The following TENM1 variants were observed in gnomAD, a reference collection of about 807,000 sequenced individuals.
TENM1 encodes the protein teneurin transmembrane protein 1.
Under a neutral mutation model 174.8 loss-of-function variants are expected in TENM1, and 35 were observed. That is an observed-to-expected ratio of 0.20 (90% CI 0.15 to 0.27). The LOEUF (loss-of-function observed/expected upper bound fraction) is 0.27. Among genes scored for constraint, TENM1 ranks in the 10% least tolerant of loss-of-function variants. The pLI is 1.00. For missense variants in TENM1, 1,633 were observed against 2,130.1 expected (o/e 0.77, Z 4.59); for synonymous variants, 781 against 798.7 (o/e 0.98, Z 0.37).
At chrX:124,653,878 C>T (rs1988851995) in intron 6 of TENM1, 95 bp from the exon 10 acceptor site, 1 of 759,333 alleles carries the variant, frequency 1.3e-6, no homozygotes, top group Non-Finnish European at 1.9e-6. Flanking sequence ...ATCAAAATAA[C>T]TTACTCAGCT....
chrX:124,917,922 C>T (rs1391250461), intron 1 of TENM1, among the ~76,000 whole-genome samples: 3 of 112,241 alleles, frequency 2.7e-5, no homozygotes, highest in African/African-American at 9.7e-5. Context: ...ATTCTCTACG[C>T]TCTGACATCA....
chrX:124,808,188 C>T (rs7052535), intron 3 of TENM1, among the ~76,000 whole-genome samples: 5,069 of 111,255 alleles, frequency 0.046, 166 homozygotes, highest in African/African-American at 0.11. Flanking sequence ...GCTATAATTA[C>T]ATAAGATAAA....
At chrX:124,767,861 G>A (rs1468462313) in intron 3 of TENM1, among the ~76,000 whole-genome samples, 1 of 111,234 alleles carries the variant, frequency 9.0e-6, no homozygotes, top group Non-Finnish European at 1.9e-5. Context: ...ATTGTACTAT[G>A]AAAAAAACCT....
chrX:124,980,619 T>G, the TENM1 span, among the ~76,000 whole-genome samples: 3 of 111,136 alleles, frequency 2.7e-5, no homozygotes, highest in Non-Finnish European at 5.7e-5. Context: ...ATAATGAAAA[T>G]TATGTATTTA....
At chrX:124,931,589 G>A (rs1288351614) in intron 1 of TENM1, among the ~76,000 whole-genome samples, 3 of 111,035 alleles carry the variant, frequency 2.7e-5, no homozygotes, top group South Asian at 3.8e-4. Flanking sequence ...TTATTTCCTC[G>A]GCAGGAATGG....
chrX:124,748,366 A>ATT (rs956183372), intron 3 of TENM1, among the ~76,000 whole-genome samples: 12 of 109,634 alleles, frequency 1.1e-4, no homozygotes, highest in Non-Finnish European at 1.5e-4. Flanking sequence ...AGAGAGAGAG[A>ATT]TTATATATAT....
intron 1 of TENM1, among the ~76,000 whole-genome samples, chrX:124,915,336 C>T (rs2057903593): frequency 8.9e-6 from 1 of 111,810 alleles, no homozygotes; most frequent in African/African-American, 3.3e-5. Context: ...ACCAGCCTGG[C>T]CAACATGGTG....
the TENM1 span, among the ~76,000 whole-genome samples, chrX:125,095,615 G>A: frequency 0.033 from 3,651 of 111,733 alleles, 78 homozygotes; most frequent in Non-Finnish European, 0.053. Context: ...ACTAATTAGC[G>A]TATACAACTT....
the TENM1 span, among the ~76,000 whole-genome samples, chrX:125,063,240 T>C: frequency 1.8e-5 from 2 of 112,111 alleles, no homozygotes; most frequent in Non-Finnish European, 3.8e-5. Flanking sequence ...AAAACGTTCA[T>C]GGAAGAAGCA....
exon 23 of TENM1, chrX:124,453,464 A>G (rs749188103): frequency 1.7e-5 from 20 of 1,210,701 alleles, no homozygotes; most frequent in African/African-American, 3.5e-5. Context: ...CACAAAGTAA[A>G]TAAATCCATG....
At chrX:125,041,935 G>GAAA in the TENM1 span, among the ~76,000 whole-genome samples, 2 of 111,540 alleles carry the variant, frequency 1.8e-5, no homozygotes, top group Non-Finnish European at 3.8e-5. Flanking sequence ...AAAAATTGAA[G>GAAA]AAGACATAAA....
At chrX:124,624,503 G>T (rs769841605) in intron 11 of TENM1, among the ~76,000 whole-genome samples, 2 of 112,082 alleles carry the variant, frequency 1.8e-5, no homozygotes, top group South Asian at 7.5e-4. Context: ...GACACTATTT[G>T]CTCAATAACT....
At chrX:125,006,054 G>A in the TENM1 span, among the ~76,000 whole-genome samples, 1 of 111,729 alleles carries the variant, frequency 9.0e-6, no homozygotes, top group African/African-American at 3.3e-5. Context: ...TGAAACCAGG[G>A]AGCCAAGCGG....
the TENM1 span, among the ~76,000 whole-genome samples, chrX:125,021,890 A>T: frequency 8.8e-6 from 1 of 113,066 alleles, no homozygotes; most frequent in Non-Finnish European, 1.9e-5. Context: ...TAGCTGAGGG[A>T]TGCAGCTTAC....
At chrX:124,868,757 A>G (rs931257072) in intron 3 of TENM1, among the ~76,000 whole-genome samples, 2 of 111,609 alleles carry the variant, frequency 1.8e-5, no homozygotes, top group Non-Finnish European at 3.8e-5. Context: ...TAACCAGAAT[A>G]TATAAGAAGC....
At chrX:124,685,324 C>T (rs139651478) in intron 5 of TENM1, among the ~76,000 whole-genome samples, 2,739 of 109,759 alleles carry the variant, frequency 0.025, 71 homozygotes, top group African/African-American at 0.083. Flanking sequence ...GAAAACAGCA[C>T]GTAAGAAATA....
chrX:124,470,394 G>A (rs1343066320), intron 22 of TENM1, among the ~76,000 whole-genome samples: 3 of 110,824 alleles, frequency 2.7e-5, no homozygotes, highest in African/African-American at 9.8e-5. Context: ...TTTTATGTAA[G>A]GGAAAAATAT....
chrX:124,630,290 T>C (rs181157317), intron 11 of TENM1, among the ~76,000 whole-genome samples: 114 of 112,308 alleles, frequency 1.0e-3, no homozygotes, highest in African/African-American at 3.5e-3. Flanking sequence ...GTTTTGATTG[T>C]TGAAACTACT....
chrX:124,771,312 T>G (rs957602090), intron 3 of TENM1, among the ~76,000 whole-genome samples: 13 of 112,653 alleles, frequency 1.2e-4, no homozygotes, highest in African/African-American at 4.2e-4. Context: ...TGGTAACCCA[T>G]ATATAGTCTT....
Sources: allele counts gnomAD v4.1 joint callset (sites outside exome capture counted in the v4.1 genomes callset), GRCh38; gene constraint gnomAD v4.1.1; transcripts MANE v1.5; gene names NCBI Gene and HGNC (gene_info 2026-07-23, HGNC 2026-07-21).